The following ANKIB1 variants were observed in gnomAD, a reference collection of about 807,000 sequenced individuals.
The protein encoded by ANKIB1 is ankyrin repeat and IBR domain-containing protein 1.
A neutral mutation model predicts 122.1 loss-of-function variants in ANKIB1; 43 were observed. The ratio of observed to expected loss-of-function variants is 0.35; its 90% CI spans 0.28 to 0.45. The LOEUF (loss-of-function observed/expected upper bound fraction) is 0.45, where lower values mean the gene tolerates loss of function less well. Ranked by LOEUF, ANKIB1 falls within the 20% of genes least tolerant of loss-of-function variation. The pLI is 1.00. For missense variants in ANKIB1, 992 were observed against 1,329.5 expected, an observed-to-expected ratio of 0.75 and a Z score of 3.95; for synonymous variants, 390 against 442.0, an observed-to-expected ratio of 0.88 and a Z score of 1.48.
chr7:92,273,718 G>T lies in ANKIB1; in HGVS notation c.-90-21171G>T, dbSNP rs180984949. 2.6e-5 allele frequency among the ~76,000 whole-genome samples: 4 copies of T among 152,172 alleles called. No individual in the cohort carries two copies. The East Asian group carries it at 7.7e-4, about 29-fold the overall frequency. On this transcript the variant is annotated intron_variant, in intron 1 of 19. Coordinates refer to ENST00000265742, the MANE Select transcript of ANKIB1 (RefSeq NM_019004.2). ...TGGAGGTTTGTAGCACTTGGAAAAT[G>T]ACTGCATTAAAGATTCACTACTTAA... is the stretch of plus-strand genomic sequence containing the variant.
chr7:92,295,466 A>G (rs1802334991), intron 2 of ANKIB1, among the ~76,000 whole-genome samples: 1 of 152,158 alleles, frequency 6.6e-6, no homozygotes, highest in Non-Finnish European at 1.5e-5. Flanking sequence ...TGCTATAAAT[A>G]TATTTTGATC....
chr7:92,252,918 G>GT lies in ANKIB1; in HGVS notation c.-91+6408dup, dbSNP rs968564396. On this transcript the variant is annotated intron_variant, in intron 1 of 19. Transcript: ENST00000265742. ...GCCCTATTTTTGTTTTTTGTGGGTT[G>GT]TTTTTTTTTGTGAAAGATGGTATTT... Among the ~76,000 whole-genome samples, 38 of 149,408 alleles carry GT rather than the reference G, an allele frequency of 2.5e-4. 2 individuals are homozygous for GT. The highest frequency in any genetic ancestry group is 4.3e-4 in the South Asian group (2 of 4,664).
chr7:92,373,311 T>C (rs1237902383), intron 11 of ANKIB1, among the ~76,000 whole-genome samples: 2 of 152,154 alleles, frequency 1.3e-5, no homozygotes, highest in Admixed American at 6.6e-5. Context: ...ACAATAAAAA[T>C]TTATAGTTGG....
chr7:92,267,944 T>C (rs998329409), intron 1 of ANKIB1, among the ~76,000 whole-genome samples: 7 of 152,176 alleles, frequency 4.6e-5, no homozygotes, highest in African/African-American at 1.4e-4. Flanking sequence ...AAGGGACCTA[T>C]TGCATAAATA....
intron 3 of ANKIB1, among the ~76,000 whole-genome samples, chr7:92,317,290 A>G (rs1012754703): frequency 1.3e-5 from 2 of 152,196 alleles, no homozygotes; most frequent in African/African-American, 2.4e-5. Flanking sequence ...TCAGAATGAC[A>G]TTTTGATTCA....
In ANKIB1 at chr7:92,273,470, C is replaced by T. The variant is rs189414632; in HGVS notation, c.-90-21419C>T. 4.6e-5 allele frequency among the ~76,000 whole-genome samples: 7 copies of T among 152,296 alleles called. No individual in the cohort carries two copies. In the East Asian group the frequency reaches 1.4e-3, roughly 29 times the overall value. Reference sequence around the variant, plus strand: ...TTCATTTTATGATCCAGAAACCTCTCCTAGATCACCCAGTAGAGTTTCTCT... The same window carrying T: ...TTCATTTTATGATCCAGAAACCTCTTCTAGATCACCCAGTAGAGTTTCTCT... On this transcript the variant is annotated intron_variant, in intron 1 of 19. Coordinates refer to ENST00000265742, the MANE Select transcript of ANKIB1 (RefSeq NM_019004.2).
intron 10 of ANKIB1, among the ~76,000 whole-genome samples, chr7:92,365,747 A>G (rs1345852525): frequency 7.4e-6 from 1 of 135,806 alleles, no homozygotes; most frequent in African/African-American, 2.7e-5. Flanking sequence ...TTCAGGTGGG[A>G]GGGGGCATAT....
intron 3 of ANKIB1, among the ~76,000 whole-genome samples, chr7:92,314,787 A>G (rs1802759119): frequency 6.6e-6 from 1 of 152,194 alleles, no homozygotes; most frequent in African/African-American, 2.4e-5. Context: ...TAAAATCTAA[A>G]TTTGTGAGAG....
chr7:92,393,759 A>T (rs1041836004), intron 17 of ANKIB1, among the ~76,000 whole-genome samples: 2 of 152,108 alleles, frequency 1.3e-5, no homozygotes, highest in African/African-American at 4.8e-5. Context: ...TCTTTGACAC[A>T]TTGAAACACT....
At chr7:92,319,593 A>T in intron 4 of ANKIB1, 81 bp downstream of exon 4, 1 of 1,383,296 alleles carries the variant, frequency 7.2e-7, no homozygotes. Context: ...CTTCTTTAAA[A>T]CTCAGTTTGT....
At chr7:92,340,232 G>A (rs1803407268) in intron 5 of ANKIB1, among the ~76,000 whole-genome samples, 1 of 152,096 alleles carries the variant, frequency 6.6e-6, no homozygotes. Context: ...AAGACTACCT[G>A]TTCAGCTCTT....
chr7:92,371,386 G>A lies in ANKIB1; in HGVS notation c.1487-91G>A, dbSNP rs972687106. ...AATATTTTATTAAAATTGAGAGACA[G>A]CCTGCAAAGAAAAGTGTGGAGGGTT... On this transcript the variant is annotated intron_variant, in intron 10 of 19. Coordinates refer to ENST00000265742, the MANE Select transcript of ANKIB1 (RefSeq NM_019004.2). 6.5e-6 allele frequency: 7 copies of A among 1,076,712 alleles called. No individual in the cohort carries two copies. In the Middle Eastern group the frequency reaches 6.8e-4, roughly 104 times the overall value. 66.7% of individuals were successfully genotyped at this position (1,076,712 alleles called of 1,614,324 possible). A position where few individuals can be genotyped will look rare whatever the true frequency, so the allele number is the denominator to read the frequency against.
intron 9 of ANKIB1, among the ~76,000 whole-genome samples, chr7:92,354,139 GTAA>G (rs1803729261): frequency 6.6e-6 from 1 of 152,138 alleles, no homozygotes; most frequent in Admixed American, 6.5e-5. Flanking sequence ...TATGCTGCAA[GTAA>G]TAATAAGTTT....
At chr7:92,302,789 C>A (rs1405699725) in intron 2 of ANKIB1, among the ~76,000 whole-genome samples, 7 of 152,300 alleles carry the variant, frequency 4.6e-5, no homozygotes, top group Non-Finnish European at 1.0e-4. Context: ...GAGCTAAGTT[C>A]TTTTCAATAA....
At chr7:92,351,720 GTTTTTTTTTTT>G (rs1018424517) in intron 8 of ANKIB1, among the ~76,000 whole-genome samples, 63 of 116,660 alleles carry the variant, frequency 5.4e-4, no homozygotes, top group Non-Finnish European at 1.1e-3. Flanking sequence ...TTTTTTTTTT[GTTTTTTTTTTT>G]TTTTTTGGAG....
In ANKIB1 at chr7:92,389,339, G is replaced by GT. The variant is rs1302300167; in HGVS notation, c.1907-622dup. Among the ~76,000 whole-genome samples the GT allele has an allele frequency of 6.8e-3, 977 of 144,028 alleles. 8 individuals carry two copies. Among genetic ancestry groups the GT allele is most frequent in the East Asian group, 0.027 (133 of 4,996 alleles). The allele number at this position is 144,028 out of a possible 152,430, so 94.5% of individuals were successfully genotyped here. A position where few individuals can be genotyped will look rare whatever the true frequency, so the allele number is the denominator to read the frequency against. ...TAATTTCTGGTTTTTTTCTGGTTTT[G>GT]TTTTTTTTTTGGCAGTTAAGTGAAA... On this transcript the variant is annotated intron_variant, in intron 14 of 19. Transcript: ENST00000265742.
intron 10 of ANKIB1, among the ~76,000 whole-genome samples, chr7:92,368,707 C>G (rs552520521): frequency 6.7e-6 from 1 of 149,316 alleles, no homozygotes; most frequent in Non-Finnish European, 1.5e-5. Context: ...GGCGACAGTG[C>G]GAGACTCCGT....
intron 2 of ANKIB1, among the ~76,000 whole-genome samples, chr7:92,296,234 T>C (rs1351409149): frequency 1.3e-5 from 2 of 152,120 alleles, no homozygotes; most frequent in African/African-American, 2.4e-5. Flanking sequence ...AATTTTTTTT[T>C]TTAATAGAAA....
chr7:92,371,631 C>A, intron 11 of ANKIB1, 24 bp downstream of exon 11: 1 of 1,580,262 alleles, frequency 6.3e-7, no homozygotes, highest in Non-Finnish European at 8.6e-7. Context: ...GAGGATTTTG[C>A]ATGCTTTGCA....
Sources: allele counts gnomAD v4.1 joint callset (sites outside exome capture counted in the v4.1 genomes callset), GRCh38; gene constraint gnomAD v4.1.1; transcripts MANE v1.5; gene names NCBI Gene and HGNC (gene_info 2026-07-23, HGNC 2026-07-21).